The following SMCHD1 variants were observed in gnomAD, a reference collection of about 807,000 sequenced individuals.
SMCHD1 encodes structural maintenance of chromosomes flexible hinge domain-containing protein 1.
In SMCHD1, 78 loss-of-function variants were observed where a neutral mutation model predicts 254.7. That is an observed-to-expected ratio of 0.31 (90% CI 0.26 to 0.37). The LOEUF (loss-of-function observed/expected upper bound fraction) is 0.37. Among genes scored for constraint, SMCHD1 ranks in the 10% least tolerant of loss-of-function variants. SMCHD1 has a pLI of 1.00. For missense variants in SMCHD1, 1,840 were observed against 2,408.1 expected, an observed-to-expected ratio of 0.76 and a Z score of 4.94; for synonymous variants, 766 against 794.9, an observed-to-expected ratio of 0.96 and a Z score of 0.61.
chr18:2,757,398 G>A (rs985171959), intron 34 of SMCHD1, among the ~76,000 whole-genome samples: 3 of 151,638 alleles, frequency 2.0e-5, no homozygotes, highest in Admixed American at 6.6e-5. Flanking sequence ...TAATTTGGTA[G>A]ATATCAGGGC....
chr18:2,776,388 A>C (rs1211210997), intron 42 of SMCHD1, among the ~76,000 whole-genome samples: 2 of 131,074 alleles, frequency 1.5e-5, no homozygotes, highest in African/African-American at 2.7e-5. Flanking sequence ...TGCCCAGCTA[A>C]ATTTTTTTTT....
chr18:2,750,175 A>G, intron 31 of SMCHD1, 53 bp downstream of exon 31: 1 of 1,515,302 alleles, frequency 6.6e-7, no homozygotes, highest in Non-Finnish European at 9.0e-7. Flanking sequence ...CGTTTTTCTT[A>G]CTGCTTGCCG....
chr18:2,690,195 T>C lies in SMCHD1; in HGVS notation c.873+1448T>C, dbSNP rs541338288. Reference sequence around the variant, plus strand: ...CCTTCTAATTCAGCTTTTTAAAATATATACTTAATAGTTTTGATCCCACAT... The same window carrying C: ...CCTTCTAATTCAGCTTTTTAAAATACATACTTAATAGTTTTGATCCCACAT... On this transcript the variant is annotated intron_variant, in intron 7 of 47. Transcript: ENST00000320876. Among the ~76,000 whole-genome samples the C allele has an allele frequency of 2.4e-4, 37 of 152,342 alleles. 1 individual carries two copies. The highest frequency in any genetic ancestry group is 1.9e-3 in the South Asian group (9 of 4,828).
Position 2,752,570 on chromosome 18 carries a change from T to A in SMCHD1, c.4346+18T>A. On this transcript the variant is annotated intron_variant, in intron 34 of 47. Coordinates refer to ENST00000320876, the MANE Select transcript of SMCHD1 (RefSeq NM_015295.3). Reference sequence around the variant, plus strand: ...TATTTCAGGTATTTCTCAAAACATTTCATATTTTGAATACATATCTTGTTA... The same window carrying A: ...TATTTCAGGTATTTCTCAAAACATTACATATTTTGAATACATATCTTGTTA... The A allele has an allele frequency of 1.3e-6, 2 of 1,487,322 alleles. No individual in the cohort carries two copies. The highest frequency in any genetic ancestry group is 1.9e-6 in the Non-Finnish European group (2 of 1,067,070). 92.1% of individuals were successfully genotyped at this position (1,487,322 alleles called of 1,614,324 possible).
intron 34 of SMCHD1, 83 bp from the exon 35 acceptor site, chr18:2,760,569 A>G: frequency 1.3e-6 from 1 of 775,850 alleles, no homozygotes. Context: ...ATTTTTGTGG[A>G]AAGAACAGAA....
chr18:2,697,920 A>AGCTGATAGTTTTGAAT lies in SMCHD1; in HGVS notation c.1222_1237dup (p.Phe413CysfsTer2). Reference sequence around the variant, plus strand: ...TGCAGACGTTGTATGTAAACACAGCAGCTGATAGTTTTGAATTCAAAGCTC... The same window carrying AGCTGATAGTTTTGAAT: ...TGCAGACGTTGTATGTAAACACAGCAGCTGATAGTTTTGAATGCTGATAGTTTTGAATTCAAAGCTC... On this transcript the variant is annotated frameshift_variant, in exon 10 of 48. Coordinates refer to ENST00000320876, the MANE Select transcript of SMCHD1 (RefSeq NM_015295.3). LOFTEE classifies it high-confidence loss of function. 1 of 1,613,686 alleles carries AGCTGATAGTTTTGAAT rather than the reference A, an allele frequency of 6.2e-7. No individual in the cohort carries two copies.
rs1383155135 is a variant in SMCHD1, at chr18:2,718,922, G to A, written c.2458+488G>A. On this transcript the variant is annotated intron_variant, in intron 19 of 47. Transcript: ENST00000320876. This position sits in a 1 kb window ranked among gnomAD's most constrained non-coding sequence, Gnocchi z 4.6. ...ATTCCTTCTGAATTTTGAAGACATTGTTTTCTACTTTTCATTGTTGCTGGT... is the reference window on the plus strand; with the variant it reads ...ATTCCTTCTGAATTTTGAAGACATTATTTTCTACTTTTCATTGTTGCTGGT... Among the ~76,000 whole-genome samples, 1 of 151,990 alleles carries A rather than the reference G, an allele frequency of 6.6e-6. No homozygotes were observed. Among genetic ancestry groups the A allele is most frequent in the Non-Finnish European group, 1.5e-5 (1 of 67,986 alleles).
intron 13 of SMCHD1, 135 bp downstream of exon 13, chr18:2,704,021 C>CATTT: frequency 1.6e-6 from 1 of 623,368 alleles, no homozygotes; most frequent in Non-Finnish European, 2.6e-6. Flanking sequence ...TCATGAAGAA[C>CATTT]ATTTATTCAG....
chr18:2,682,623 C>T (rs950022296), intron 5 of SMCHD1, among the ~76,000 whole-genome samples: 2 of 152,096 alleles, frequency 1.3e-5, no homozygotes, highest in African/African-American at 4.8e-5. Context: ...CGCCCGGCCC[C>T]CTGATACTTT....
At chr18:2,775,324 T>TAGTTG (rs140837774) in intron 41 of SMCHD1, among the ~76,000 whole-genome samples, 1 of 151,144 alleles carries the variant, frequency 6.6e-6, no homozygotes, top group Admixed American at 6.6e-5. Flanking sequence ...TATTTATGTT[T>TAGTTG]AACTGCATTA....
chr18:2,777,934 A>T lies in SMCHD1; in HGVS notation c.5476+19A>T. On this transcript the variant is annotated intron_variant, in intron 43 of 47. Coordinates refer to ENST00000320876, the MANE Select transcript of SMCHD1 (RefSeq NM_015295.3). ...GAAACAGGTAAAAGACATTATGGTG[A>T]CTTTACTTTTGTACAGATGTTAAAT... 7.1e-7 allele frequency: 1 copy of T among 1,409,226 alleles called. No homozygotes were observed. The highest frequency in any genetic ancestry group is 1.4e-5 in the African/African-American group (1 of 69,204). 87.3% of individuals were successfully genotyped at this position (1,409,226 alleles called of 1,614,324 possible). A position where few individuals can be genotyped will look rare whatever the true frequency, so the allele number is the denominator to read the frequency against.
At chr18:2,675,237 ATTAC>A (rs1411850626) in intron 5 of SMCHD1, among the ~76,000 whole-genome samples, 1 of 145,438 alleles carries the variant, frequency 6.9e-6, no homozygotes, top group Non-Finnish European at 1.5e-5. Context: ...CATTTTAGTT[ATTAC>A]TTCTCATTCC....
At chr18:2,715,955 G>A (rs773027845) in intron 17 of SMCHD1, among the ~76,000 whole-genome samples, 20 of 152,156 alleles carry the variant, frequency 1.3e-4, no homozygotes, top group Non-Finnish European at 2.1e-4. Flanking sequence ...CTTTGGAACT[G>A]TCATAGCACC....
intron 1 of SMCHD1, among the ~76,000 whole-genome samples, chr18:2,662,436 A>G (rs2073309380): frequency 6.6e-6 from 1 of 151,732 alleles, no homozygotes; most frequent in Non-Finnish European, 1.5e-5. Flanking sequence ...ATCTGAGGTC[A>G]GGAGTTTGAG....
Position 2,802,985 on chromosome 18 carries a change from G to GTCTT in SMCHD1, c.*435_*438dup, listed in dbSNP as rs2076391044. The GTCTT allele has an allele frequency of 6.6e-6, 1 of 152,650 alleles. No individual in the cohort carries two copies. The highest frequency in any genetic ancestry group is 1.5e-5 in the Non-Finnish European group (1 of 68,518). 9.5% of individuals were successfully genotyped at this position (152,650 alleles called of 1,614,324 possible). A position where few individuals can be genotyped will look rare whatever the true frequency, so the allele number is the denominator to read the frequency against. On this transcript the variant is annotated 3_prime_UTR_variant, in exon 48 of 48. Transcript: ENST00000320876. The stretch of plus-strand genomic sequence containing the variant: ...TGAATTTATTTAACAAAGATGTTTT[G>GTCTT]TCTTTTGTGTAAGGGAGGTTCTAGA...
At chr18:2,709,523 A>G (rs2074620160) in intron 17 of SMCHD1, among the ~76,000 whole-genome samples, 1 of 152,080 alleles carries the variant, frequency 6.6e-6, no homozygotes, top group East Asian at 1.9e-4. Flanking sequence ...TGTCACCCCC[A>G]CTTGTTATTT....
intron 34 of SMCHD1, among the ~76,000 whole-genome samples, chr18:2,756,033 A>T (rs977194414): frequency 6.6e-6 from 1 of 152,218 alleles, no homozygotes; most frequent in African/African-American, 2.4e-5. Flanking sequence ...CTTTTATCAA[A>T]CTGTTCATTT....
chr18:2,700,395 T>C (rs1384389465), intron 10 of SMCHD1, 144 bp from the exon 11 acceptor site: 2 of 858,328 alleles, frequency 2.3e-6, no homozygotes, highest in African/African-American at 1.7e-5. Context: ...TGGAACCACT[T>C]TGTAAACCTA....
intron 9 of SMCHD1, among the ~76,000 whole-genome samples, 200 bp from the exon 10 acceptor site, chr18:2,697,631 A>G (rs909903400): frequency 2.6e-5 from 4 of 152,098 alleles, no homozygotes; most frequent in African/African-American, 9.7e-5. Flanking sequence ...TGCTTACTTT[A>G]TATTTTTTAG....
Sources: gnomAD v4.1 joint callset for allele counts (sites outside exome capture counted in the v4.1 genomes callset) on GRCh38, gnomAD v4.1.1 for gene constraint, Gnocchi (gnomAD v3.1) non-coding constraint, MANE v1.5 for transcripts, NCBI Gene and HGNC (gene_info 2026-07-23, HGNC 2026-07-21) for gene names.